The following PKHD1L1 variants were observed in gnomAD, a reference collection of about 807,000 sequenced individuals.
PKHD1L1 encodes the protein fibrocystin-L.
Under a neutral mutation model 462.9 loss-of-function variants are expected in PKHD1L1, and 434 were observed. That is an observed-to-expected ratio of 0.94 (90% CI 0.87 to 1.02). PKHD1L1 has a LOEUF of 1.02. PKHD1L1 is among the 50% of genes least tolerant of loss of function. The pLI is 0.00. For missense variants in PKHD1L1, 5,202 were observed against 5,096.1 expected, an observed-to-expected ratio of 1.02 and a Z score of -0.63; for synonymous variants, 1,781 against 1,750.0, an observed-to-expected ratio of 1.02 and a Z score of -0.44.
chr8:109,442,950 A>G lies in PKHD1L1; in HGVS notation c.4398A>G (p.Ser1466=), dbSNP rs757361055. The G allele has an allele frequency of 1.3e-6, 2 of 1,594,136 alleles. No homozygotes were observed. Among genetic ancestry groups the G allele is most frequent in the Admixed American group, 1.8e-5 (1 of 56,920 alleles). The change falls in exon 36 of 78, where the codon TCA becomes TCG. Residue 1466 remains serine, a synonymous_variant. Transcript: ENST00000378402. ...TACAATCTCATTTTATGGCAGGTTC[A>G]TTTTCTTACCAATTTACTTCTCCTG... ...TSGRQKSTSG[S]FSYQFTSPGI...
intron 27 of PKHD1L1, among the ~76,000 whole-genome samples, chr8:109,432,116 G>A (rs1366193037): frequency 6.6e-6 from 1 of 152,064 alleles, no homozygotes; most frequent in Non-Finnish European, 1.5e-5. Flanking sequence ...CAAAGTGTTA[G>A]CATCCTTTTT....
chr8:109,432,024 T>C (rs57170073), intron 27 of PKHD1L1, among the ~76,000 whole-genome samples: 1,835 of 152,324 alleles, frequency 0.012, 38 homozygotes, highest in African/African-American at 0.042. Context: ...TTAACACTTT[T>C]TAGAAATTTT....
chr8:109,512,862 T>TA (rs1390690605), intron 71 of PKHD1L1, among the ~76,000 whole-genome samples: 2 of 150,728 alleles, frequency 1.3e-5, no homozygotes, highest in East Asian at 3.9e-4. Context: ...TGTATCCTCT[T>TA]TTATTTCCTT....
At chr8:109,481,616 A>AC in intron 56 of PKHD1L1, 54 bp downstream of exon 56, 8 of 1,446,610 alleles carry the variant, frequency 5.5e-6, no homozygotes, top group Admixed American at 2.8e-5. Flanking sequence ...ATCTACTTTA[A>AC]AATATATGGC....
At chr8:109,471,224 G>A (rs1468524172) in intron 50 of PKHD1L1, 1 of 686,826 alleles carries the variant, frequency 1.5e-6, no homozygotes, top group South Asian at 3.6e-5. Context: ...GTGTCATTTA[G>A]TAAGGGTTTT....
chr8:109,492,020 A>G, intron 62 of PKHD1L1, 26 bp downstream of exon 62: 3 of 1,426,922 alleles, frequency 2.1e-6, no homozygotes, highest in Non-Finnish European at 2.8e-6. Flanking sequence ...TTATAATTAT[A>G]CTAATTTATA....
intron 29 of PKHD1L1, 129 bp from the exon 30 acceptor site, chr8:109,436,209 T>C: frequency 1.1e-6 from 1 of 935,710 alleles, no homozygotes; most frequent in Non-Finnish European, 1.6e-6. Context: ...GTCCTTGATC[T>C]ATTGGCCAGT....
chr8:109,493,631 C>T (rs928527728), intron 62 of PKHD1L1, 30 bp from the exon 63 acceptor site: 5 of 1,409,568 alleles, frequency 3.5e-6, no homozygotes, highest in Non-Finnish European at 4.9e-6. Context: ...TAGCCTGATG[C>T]ACAGTATTTT....
intron 76 of PKHD1L1, 95 bp from the exon 77 acceptor site, chr8:109,526,689 A>G: frequency 9.7e-7 from 1 of 1,027,274 alleles, no homozygotes; most frequent in African/African-American, 1.6e-5. Flanking sequence ...CAGGATCTAT[A>G]TAGTGTTTTT....
intron 28 of PKHD1L1, among the ~76,000 whole-genome samples, chr8:109,434,923 G>C (rs1459403117): frequency 6.6e-6 from 1 of 151,854 alleles, no homozygotes; most frequent in Non-Finnish European, 1.5e-5. Context: ...TCTGTTTTGG[G>C]TACAGTAGCA....
At chr8:109,422,841 T>C (rs1281747359) in intron 23 of PKHD1L1, among the ~76,000 whole-genome samples, 3 of 152,200 alleles carry the variant, frequency 2.0e-5, no homozygotes, top group East Asian at 1.9e-4. Context: ...CCACCAGCAG[T>C]GTACGATCCA....
intron 72 of PKHD1L1, among the ~76,000 whole-genome samples, chr8:109,515,920 A>G (rs1673411): frequency 0.45 from 68,494 of 151,956 alleles, 16,209 homozygotes; most frequent in African/African-American, 0.59. Flanking sequence ...GCTACTCATC[A>G]TCATTTTCTG....
chr8:109,411,793 G>A (rs1026515062), intron 19 of PKHD1L1, among the ~76,000 whole-genome samples: 12 of 152,198 alleles, frequency 7.9e-5, no homozygotes, highest in Non-Finnish European at 1.5e-4. Context: ...CACTTCCCCT[G>A]AGTCATCTTT....
chr8:109,436,208 C>A (rs1321296209), intron 29 of PKHD1L1, 130 bp from the exon 30 acceptor site: 4 of 932,070 alleles, frequency 4.3e-6, no homozygotes, highest in Non-Finnish European at 6.2e-6. Flanking sequence ...GGTCCTTGAT[C>A]TATTGGCCAG....
At chr8:109,500,545 C>G (rs1192341792) in intron 67 of PKHD1L1, among the ~76,000 whole-genome samples, 1 of 144,456 alleles carries the variant, frequency 6.9e-6, no homozygotes, top group Non-Finnish European at 1.5e-5. Flanking sequence ...AAAAACCTAG[C>G]TGGGCATAAT....
chr8:109,391,426 A>G (rs1040687813), intron 9 of PKHD1L1, among the ~76,000 whole-genome samples: 1 of 152,164 alleles, frequency 6.6e-6, no homozygotes, highest in Admixed American at 6.5e-5. Flanking sequence ...ATTTCATACC[A>G]TAGCAGGATT....
intron 77 of PKHD1L1, 103 bp downstream of exon 77, chr8:109,527,123 G>A (rs915886815): frequency 5.0e-6 from 5 of 1,003,534 alleles, no homozygotes; most frequent in Admixed American, 2.7e-5. Flanking sequence ...ATCACTGTGT[G>A]CACAAAGAGA....
Position 109,486,769 on chromosome 8 carries a change from T to A in PKHD1L1, c.9828T>A (p.Phe3276Leu). The A allele has an allele frequency of 6.2e-7, 1 of 1,612,494 alleles. No individual in the cohort carries two copies. Among genetic ancestry groups the A allele is most frequent in the Non-Finnish European group, 8.5e-7 (1 of 1,178,882 alleles). The change falls in exon 59 of 78, where the codon TTT becomes TTA. Residue 3276 changes from phenylalanine (F) to leucine (L), a missense_variant. Phe to Leu is a conservative substitution (Grantham distance 22). Around this residue, in one of 3 missense-constraint regions of PKHD1L1, gnomAD observed 4,497 missense variants for 4,336.8 expected, o/e 1.04. Coordinates refer to ENST00000378402, the MANE Select transcript of PKHD1L1 (RefSeq NM_177531.6). The part of the protein sequence containing the change: ...EDYPGWSEDS[F>L]GARVLVGSFT... ...ACCCCGGTTGGTCTGAGGACTCTTTTGGAGCACGCGTACTGGTTGGCTCAT... is the reference window on the plus strand; with the variant it reads ...ACCCCGGTTGGTCTGAGGACTCTTTAGGAGCACGCGTACTGGTTGGCTCAT...
Position 109,443,116 on chromosome 8 carries a change from G to T in PKHD1L1, c.4564G>T (p.Gly1522Ter). ...VGRSEATYAY[G>*]GPENLHLGSS... is the part of the protein sequence containing the mutation. ...TCGCTCTGAAGCCACATATGCTTATGGTAAGATGGTTAAAGATGGAAACTC... is the reference window on the plus strand; with the variant it reads ...TCGCTCTGAAGCCACATATGCTTATTGTAAGATGGTTAAAGATGGAAACTC... The change falls in exon 36 of 78, where the codon GGA (glycine) becomes TGA (stop). Residue 1522 changes from glycine (G) to a stop codon, truncating the protein, a stop_gained and splice_region_variant. Coordinates refer to ENST00000378402, the MANE Select transcript of PKHD1L1 (RefSeq NM_177531.6). LOFTEE classifies it high-confidence loss of function. The T allele has an allele frequency of 6.2e-7, 1 of 1,612,524 alleles. No individual in the cohort carries two copies.
Sources: gnomAD v4.1 joint callset for allele counts (sites outside exome capture counted in the v4.1 genomes callset) on GRCh38, gnomAD v4.1.1 for gene constraint, gnomAD v4.1.1 regional missense constraint, MANE v1.5 for transcripts, NCBI Gene and HGNC (gene_info 2026-07-23, HGNC 2026-07-21) for gene names.